The following PTPDC1 variants were observed in gnomAD, a reference collection of about 807,000 sequenced individuals.
PTPDC1 encodes protein tyrosine phosphatase domain-containing protein 1.
In PTPDC1, 53 loss-of-function variants were observed where a neutral mutation model predicts 75.3. That is an observed-to-expected ratio of 0.70 (90% CI 0.56 to 0.88). The LOEUF (loss-of-function observed/expected upper bound fraction) is 0.88, where lower values mean the gene tolerates loss of function less well. Among genes scored for constraint, PTPDC1 ranks in the 40% least tolerant of loss-of-function variants. PTPDC1 has a pLI of 0.00. For synonymous variants in PTPDC1, 349 were observed against 366.2 expected (o/e 0.95, Z 0.54); for missense variants, 925 against 998.6 (o/e 0.93, Z 0.99).
chr9:94,067,002 C>G (rs890401687), intron 2 of PTPDC1, among the ~76,000 whole-genome samples: 8 of 152,154 alleles, frequency 5.3e-5, no homozygotes, highest in African/African-American at 1.9e-4. Context: ...CATAACCCAG[C>G]TTTAACAATC....
At chr9:94,082,327 G>A (rs368779761), upstream of PTPDC1, among the ~76,000 whole-genome samples, 8 of 152,278 alleles carry the variant, frequency 5.3e-5, no homozygotes, top group South Asian at 8.3e-4. Flanking sequence ...TCAGCCTATT[G>A]TTCTATGACT....
chr9:94,050,839 C>T (rs1825765798), intron 1 of PTPDC1, among the ~76,000 whole-genome samples: 2 of 152,230 alleles, frequency 1.3e-5, no homozygotes, highest in South Asian at 4.1e-4. Context: ...GGCAGGCCTC[C>T]TTGAGCTGCA....
chr9:94,087,476 A>G (rs1827117328), intron 2 of PTPDC1, among the ~76,000 whole-genome samples: 1 of 152,246 alleles, frequency 6.6e-6, no homozygotes, highest in Non-Finnish European at 1.5e-5. Flanking sequence ...CTTTTGTACA[A>G]GAAAAAGCAG....
upstream of PTPDC1, among the ~76,000 whole-genome samples, chr9:94,082,353 C>A (rs115564856): frequency 8.3e-3 from 1,266 of 152,328 alleles, 15 homozygotes; most frequent in African/African-American, 0.029. Context: ...AAGCAATGAT[C>A]CCTTTCTGAA....
chr9:94,089,456 A>G (rs1385828440), intron 4 of PTPDC1, among the ~76,000 whole-genome samples: 1 of 110,684 alleles, frequency 9.0e-6, no homozygotes, highest in Non-Finnish European at 1.8e-5. Context: ...TATGTGCCAC[A>G]TTTTCTTAAT....
intron 2 of PTPDC1, among the ~76,000 whole-genome samples, chr9:94,077,263 AC>A (rs1826727839): frequency 6.6e-6 from 1 of 152,214 alleles, no homozygotes; most frequent in Non-Finnish European, 1.5e-5. Flanking sequence ...TTTTCCACAC[AC>A]CAAACAAGCA....
At chr9:94,040,656 G>C (rs1270924795) in intron 1 of PTPDC1, among the ~76,000 whole-genome samples, 1 of 151,868 alleles carries the variant, frequency 6.6e-6, no homozygotes, top group Non-Finnish European at 1.5e-5. Flanking sequence ...TAGTATTTTG[G>C]TCAATCTGTT....
At chr9:94,045,175 A>G (rs1383924357) in intron 1 of PTPDC1, among the ~76,000 whole-genome samples, 2 of 151,836 alleles carry the variant, frequency 1.3e-5, no homozygotes, top group African/African-American at 4.8e-5. Flanking sequence ...ACGTGAACTC[A>G]TCATTTTTTA....
rs1564025927 is a variant in PTPDC1 at position 94,084,734 on chromosome 9, T to C, written c.204T>C (p.His68=). The C allele has an allele frequency of 6.3e-7, 1 of 1,598,944 alleles. No homozygotes were observed. ...TGGTGGCTGTTTCCTCAGTCAGCCA[T>C]GCAGAGGGAAACCCAACTTTCCCCG... ...QVMVAVSSVS[H]AEGNPTFPER... Residue 68 remains histidine, a synonymous_variant, in exon 1 of 9, where the codon CAT becomes CAC. Coordinates refer to ENST00000620992, the MANE Select transcript of PTPDC1 (RefSeq NM_001253829.2).
chr9:94,033,529 G>A lies in PTPDC1; in HGVS notation c.-7+2402G>A, dbSNP rs141750121. Among the ~76,000 whole-genome samples, 588 of 152,244 alleles carry A rather than the reference G, an allele frequency of 3.9e-3. 2 individuals are homozygous for A. Among genetic ancestry groups the A allele is most frequent in the Non-Finnish European group, 3.5e-3 (239 of 68,014 alleles). On this transcript the variant is annotated intron_variant, in intron 1 of 9. Transcript: ENST00000375360. ...AGTTATGTGACCTCGGGCTGGTGACGTCCTCTCTGATTCTCAGTTCTTCCT... is the reference window on the plus strand; with the variant it reads ...AGTTATGTGACCTCGGGCTGGTGACATCCTCTCTGATTCTCAGTTCTTCCT...
rs374921652 is a variant in PTPDC1 at position 94,031,506 on chromosome 9, T to C, written c.-7+379T>C. Among the ~76,000 whole-genome samples the C allele has an allele frequency of 1.4e-3, 219 of 152,214 alleles. 1 individual carries two copies. The highest frequency in any genetic ancestry group is 4.8e-3 in the African/African-American group (199 of 41,560). ...AGCCAAGCAAAAGACATTTATAAGC[T>C]GGTTCTAGTCTGCCAGTTTGTGACC... On this transcript the variant is annotated intron_variant, in intron 1 of 9. Coordinates refer to the PTPDC1 transcript ENST00000375360.
At chr9:94,046,552 G>A (rs1194904305) in intron 1 of PTPDC1, among the ~76,000 whole-genome samples, 1 of 152,062 alleles carries the variant, frequency 6.6e-6, no homozygotes, top group African/African-American at 2.4e-5. Context: ...TCTTGACGAG[G>A]TCCTTCACGT....
upstream of PTPDC1, among the ~76,000 whole-genome samples, chr9:94,080,988 C>CTT (rs1254750314): frequency 0.011 from 1,360 of 127,282 alleles, 71 homozygotes; most frequent in East Asian, 0.033. Context: ...TTTTCTTTTT[C>CTT]TTTTTCTTTT....
At chr9:94,065,991 A>G (rs559698693) in intron 2 of PTPDC1, among the ~76,000 whole-genome samples, 2 of 152,162 alleles carry the variant, frequency 1.3e-5, no homozygotes, top group African/African-American at 2.4e-5. Flanking sequence ...CTTCTGTTGT[A>G]AATGTTACCT....
chr9:94,066,148 A>G (rs1826298611), intron 2 of PTPDC1, among the ~76,000 whole-genome samples: 1 of 152,270 alleles, frequency 6.6e-6, no homozygotes, highest in Non-Finnish European at 1.5e-5. Context: ...TCCAGTGACA[A>G]TGAAAAAACC....
intron 2 of PTPDC1, among the ~76,000 whole-genome samples, chr9:94,072,725 A>G (rs1452655370): frequency 6.6e-6 from 1 of 152,154 alleles, no homozygotes; most frequent in Admixed American, 6.5e-5. Flanking sequence ...AGTTTTTATC[A>G]TGAGTCAGTG....
At chr9:94,078,191 C>T (rs1438685094) in intron 2 of PTPDC1, among the ~76,000 whole-genome samples, 3 of 152,186 alleles carry the variant, frequency 2.0e-5, no homozygotes, top group East Asian at 1.9e-4. Context: ...ATTTCTTACA[C>T]GCTAAGTCTG....
At chr9:94,062,623 G>A (rs995986433) in intron 1 of PTPDC1, among the ~76,000 whole-genome samples, 5 of 152,186 alleles carry the variant, frequency 3.3e-5, no homozygotes, top group African/African-American at 1.2e-4. Flanking sequence ...AGGAGCAGGA[G>A]GAAGGGCGGG....
intron 4 of PTPDC1, among the ~76,000 whole-genome samples, chr9:94,090,533 T>C (rs1391123076): frequency 1.8e-5 from 2 of 109,800 alleles, no homozygotes; most frequent in Non-Finnish European, 3.5e-5. Context: ...AGCTTTGTTC[T>C]TTTGGCTTAG....
Sources: gnomAD v4.1 joint callset for allele counts (sites outside exome capture counted in the v4.1 genomes callset) on GRCh38, gnomAD v4.1.1 for gene constraint, MANE v1.5 for transcripts, NCBI Gene and HGNC (gene_info 2026-07-23, HGNC 2026-07-21) for gene names.